Variants in SUPT3H observed in about 807,000 individuals in gnomAD.
The protein encoded by SUPT3H is transcription initiation protein SPT3 homolog.
In SUPT3H, 44 loss-of-function variants were observed where a neutral mutation model predicts 44.3. That is an observed-to-expected ratio of 0.99 (90% CI 0.78 to 1.28). The LOEUF is 1.28. Among genes scored for constraint, SUPT3H ranks in the 50% most tolerant of loss-of-function variants. The pLI, the probability that SUPT3H is intolerant of heterozygous loss-of-function variation, is 0.00. For synonymous variants in SUPT3H, 124 were observed against 125.6 expected (o/e 0.99, Z 0.09); for missense variants, 380 against 387.1 (o/e 0.98, Z 0.15).
intron 2 of SUPT3H, among the ~76,000 whole-genome samples, chr6:45,327,510 C>T (rs1786555099): frequency 6.6e-6 from 1 of 151,710 alleles, no homozygotes; most frequent in South Asian, 2.1e-4. Flanking sequence ...TATTACAATC[C>T]CTGTCATTCA....
At chr6:44,813,129 T>C (rs1033705494) in intron 11 of SUPT3H, among the ~76,000 whole-genome samples, 1 of 152,120 alleles carries the variant, frequency 6.6e-6, no homozygotes, top group East Asian at 1.9e-4. Flanking sequence ...AGATCAACCT[T>C]GATCCAACTG....
chr6:45,083,701 T>TAA (rs528988074), intron 3 of SUPT3H, among the ~76,000 whole-genome samples: 2 of 135,172 alleles, frequency 1.5e-5, no homozygotes, highest in Non-Finnish European at 3.2e-5. Context: ...AAGGGTACAG[T>TAA]AAAAAAAAAA....
At chr6:44,916,128 A>G (rs1349082321) in intron 10 of SUPT3H, among the ~76,000 whole-genome samples, 1 of 152,202 alleles carries the variant, frequency 6.6e-6, no homozygotes, top group Admixed American at 6.5e-5. Context: ...AAGAGATGAC[A>G]ATGACTCCAC....
chr6:45,025,725 T>A (rs1354953832), intron 3 of SUPT3H, among the ~76,000 whole-genome samples: 3 of 147,960 alleles, frequency 2.0e-5, no homozygotes, highest in Admixed American at 1.4e-4. Context: ...CTACTAAAAA[T>A]ACAAAAAATG....
At chr6:45,373,863 AAT>A (rs1470490564) in intron 1 of SUPT3H, among the ~76,000 whole-genome samples, 1 of 152,164 alleles carries the variant, frequency 6.6e-6, no homozygotes, top group African/African-American at 2.4e-5. Context: ...TGTGACTTAC[AAT>A]ATTATTTGTA....
At chr6:44,933,306 AC>A (rs34391189) in intron 9 of SUPT3H, among the ~76,000 whole-genome samples, 50,924 of 151,984 alleles carry the variant, frequency 0.34, 9,442 homozygotes, top group Admixed American at 0.41. Flanking sequence ...AACGAAACCA[AC>A]AACTTTCTGT....
At chr6:45,233,323 C>T (rs906932178) in intron 2 of SUPT3H, among the ~76,000 whole-genome samples, 3 of 152,126 alleles carry the variant, frequency 2.0e-5, no homozygotes, top group African/African-American at 7.2e-5. Context: ...GCTGTGGTCC[C>T]GAAGACAGGA....
chr6:44,920,055 T>C (rs922445558), intron 10 of SUPT3H, among the ~76,000 whole-genome samples: 1 of 151,972 alleles, frequency 6.6e-6, no homozygotes, highest in Non-Finnish European at 1.5e-5. Context: ...ATTTTTTGTA[T>C]TTTTAGTAAA....
intron 2 of SUPT3H, among the ~76,000 whole-genome samples, chr6:45,238,327 T>C (rs1003968735): frequency 3.3e-4 from 50 of 152,188 alleles, no homozygotes; most frequent in African/African-American, 1.2e-3. Flanking sequence ...ACAGTACAAT[T>C]GTGCCACAGA....
intron 3 of SUPT3H, chr6:45,097,738 T>G (rs766998822): frequency 1.3e-5 from 2 of 152,208 alleles, no homozygotes; most frequent in Non-Finnish European, 2.9e-5. Context: ...TCTCTAATGA[T>G]AAAAATATAT....
At chr6:45,280,505 C>CA (rs914678916) in intron 2 of SUPT3H, among the ~76,000 whole-genome samples, 8 of 151,412 alleles carry the variant, frequency 5.3e-5, no homozygotes, top group African/African-American at 1.7e-4. Flanking sequence ...CAAAAAACAA[C>CA]AAAAAAAACC....
At position 45,236,895 on chromosome 6, in the gene SUPT3H, G is replaced by A. The variant is rs546765329; in HGVS notation, c.101+128306C>T. On this transcript the variant is annotated intron_variant, in intron 2 of 10. Coordinates refer to ENST00000371459, the MANE Select transcript of SUPT3H (RefSeq NM_003599.4). ...ATGTTGCTGTCTCCAGTCAGATGTT[G>A]CCAGTGGGGACGGTAGGATTACTTC... is the stretch of plus-strand genomic sequence containing the variant. Among the ~76,000 whole-genome samples, 5 of 152,308 alleles carry A rather than the reference G, an allele frequency of 3.3e-5. No homozygotes were observed. In the East Asian group the frequency reaches 5.8e-4, roughly 18 times the overall value.
chr6:45,281,047 T>C (rs1007745888), intron 2 of SUPT3H, among the ~76,000 whole-genome samples: 17 of 152,344 alleles, frequency 1.1e-4, no homozygotes, highest in Non-Finnish European at 1.6e-4. Context: ...AGATAGCTCA[T>C]TTCAAATTAA....
At chr6:44,931,241 C>T (rs562847199) in intron 10 of SUPT3H, among the ~76,000 whole-genome samples, 1 of 152,206 alleles carries the variant, frequency 6.6e-6, no homozygotes, top group African/African-American at 2.4e-5. Context: ...TTTCCCTTTG[C>T]TATCTTTTAA....
chr6:45,138,764 T>C (rs1424819053), intron 2 of SUPT3H, among the ~76,000 whole-genome samples: 1 of 152,126 alleles, frequency 6.6e-6, no homozygotes, highest in African/African-American at 2.4e-5. Flanking sequence ...GTGAGTAATG[T>C]TTTACAACTG....
At chr6:44,824,836 C>T (rs1280441624), downstream of SUPT3H, among the ~76,000 whole-genome samples, 2 of 152,094 alleles carry the variant, frequency 1.3e-5, no homozygotes, top group African/African-American at 2.4e-5. Context: ...TTCCACTTTC[C>T]TATTTATTTC....
In SUPT3H at chr6:44,843,923, ACACG is replaced by A. The variant is rs762453088; in HGVS notation, c.913-14070_913-14067del. On this transcript the variant is annotated intron_variant, in intron 10 of 10. Coordinates refer to ENST00000371459, the MANE Select transcript of SUPT3H (RefSeq NM_003599.4). Reference sequence around the variant, plus strand: ...CAGCCAAACACACACACACACACACACACGCACACACACACACACACACACACAC... The same window carrying A: ...CAGCCAAACACACACACACACACACACACACACACACACACACACACACAC... Among the ~76,000 whole-genome samples the A allele has an allele frequency of 9.6e-3, 342 of 35,766 alleles. 1 individual carries two copies. Among genetic ancestry groups the A allele is most frequent in the African/African-American group, 0.019 (254 of 13,400 alleles). The allele number at this position is 35,766 out of a possible 152,430, so 23.5% of individuals were successfully genotyped here. A position where few individuals can be genotyped will look rare whatever the true frequency, so the allele number is the denominator to read the frequency against.
intron 10 of SUPT3H, among the ~76,000 whole-genome samples, chr6:44,860,145 G>A (rs1212408660): frequency 1.3e-5 from 2 of 152,116 alleles, no homozygotes; most frequent in Non-Finnish European, 2.9e-5. Flanking sequence ...TGATAAGGTC[G>A]TGGGGAATTT....
rs115029525 is a variant in SUPT3H, at chr6:44,911,701, G to T, written c.912+20952C>A. 6.5e-3 allele frequency among the ~76,000 whole-genome samples: 994 copies of T among 152,262 alleles called. 13 individuals carry two copies. The highest frequency in any genetic ancestry group is 0.023 in the African/African-American group (938 of 41,564). ...GCCAATATAAGGAATGACTATTACA[G>T]TTCATGCACTTTACATCTAGGCCTA... is the stretch of plus-strand genomic sequence containing the variant. On this transcript the variant is annotated intron_variant, in intron 10 of 10. Transcript: ENST00000371459.
Sources: allele counts gnomAD v4.1 joint callset (sites outside exome capture counted in the v4.1 genomes callset), GRCh38; gene constraint gnomAD v4.1.1; transcripts MANE v1.5; gene names NCBI Gene and HGNC (gene_info 2026-07-23, HGNC 2026-07-21).